Variants in RTTN observed in about 807,000 individuals in gnomAD.
RTTN encodes the protein rotatin.
Under a neutral mutation model 269.2 loss-of-function variants are expected in RTTN, and 182 were observed. The observed-to-expected ratio is 0.68, with a 90% CI of 0.60 to 0.76. The LOEUF (loss-of-function observed/expected upper bound fraction) is 0.76, where lower values mean the gene tolerates loss of function less well. RTTN is among the 30% of genes least tolerant of loss of function. RTTN has a pLI of 0.00. For missense variants in RTTN, 2,545 were observed against 2,608.6 expected, an observed-to-expected ratio of 0.98 and a Z score of 0.53; for synonymous variants, 1,006 against 963.5, an observed-to-expected ratio of 1.04 and a Z score of -0.82.
At chr18:70,083,654 C>T (rs2145156879) in intron 32 of RTTN, among the ~76,000 whole-genome samples, 1 of 152,176 alleles carries the variant, frequency 6.6e-6, no homozygotes, top group African/African-American at 2.4e-5. Context: ...TACTTCCTAT[C>T]TTGTCCGAGA....
intron 19 of RTTN, among the ~76,000 whole-genome samples, chr18:70,141,623 C>T (rs1018446496): frequency 3.3e-5 from 5 of 152,006 alleles, no homozygotes; most frequent in African/African-American, 1.2e-4. Context: ...GGGCCTGTCA[C>T]AGAGTTGGGG....
intron 28 of RTTN, among the ~76,000 whole-genome samples, chr18:70,097,182 C>G (rs1255921322): frequency 6.6e-6 from 1 of 152,176 alleles, no homozygotes; most frequent in Non-Finnish European, 1.5e-5. Flanking sequence ...CATAATTAAT[C>G]ATGCTTAGTT....
chr18:70,144,597 C>G (rs190889305), intron 18 of RTTN, among the ~76,000 whole-genome samples: 4 of 152,258 alleles, frequency 2.6e-5, no homozygotes, highest in Non-Finnish European at 5.9e-5. Flanking sequence ...TTAGAATGCC[C>G]TCTCCCCGCC....
chr18:70,190,814 C>G, intron 8 of RTTN, 95 bp from the exon 9 acceptor site: 1 of 753,190 alleles, frequency 1.3e-6, no homozygotes, highest in South Asian at 1.9e-5. Context: ...AAGCCTCATA[C>G]AAGTCACAAC....
At chr18:70,042,277 T>C (rs1466738952) in intron 40 of RTTN, among the ~76,000 whole-genome samples, 1 of 149,126 alleles carries the variant, frequency 6.7e-6, no homozygotes, top group Non-Finnish European at 1.5e-5. Flanking sequence ...GGATGCTTCA[T>C]CTAAACATTT....
chr18:70,159,128 A>G (rs1432331434), intron 14 of RTTN, among the ~76,000 whole-genome samples: 6 of 152,186 alleles, frequency 3.9e-5, no homozygotes, highest in African/African-American at 1.4e-4. Context: ...CAACAAAAGC[A>G]AAACACATTC....
At chr18:70,031,149 T>G (rs1213664714) in intron 40 of RTTN, among the ~76,000 whole-genome samples, 168 bp from the exon 41 acceptor site, 2 of 152,266 alleles carry the variant, frequency 1.3e-5, no homozygotes, top group Non-Finnish European at 2.9e-5. Context: ...TCTGCGTGGA[T>G]AAGACTGTAT....
At chr18:70,070,245 G>T (rs146323576) in intron 34 of RTTN, among the ~76,000 whole-genome samples, 1,872 of 152,338 alleles carry the variant, frequency 0.012, 23 homozygotes, top group South Asian at 0.037. Context: ...CCAAGAGCTT[G>T]TCTCACTTGT....
intron 34 of RTTN, 63 bp downstream of exon 34, chr18:70,073,843 C>A: frequency 8.5e-7 from 1 of 1,170,810 alleles, no homozygotes; most frequent in Non-Finnish European, 1.3e-6. Flanking sequence ...AACTCTCCCA[C>A]TAGGCAAACT....
chr18:70,050,065 C>A (rs2057613819), intron 39 of RTTN, among the ~76,000 whole-genome samples: 1 of 152,010 alleles, frequency 6.6e-6, no homozygotes, highest in South Asian at 2.1e-4. Flanking sequence ...CACAGGCTTA[C>A]AACTGACAAA....
At chr18:70,159,638 A>G (rs748981671) in intron 14 of RTTN, among the ~76,000 whole-genome samples, 11 of 152,122 alleles carry the variant, frequency 7.2e-5, no homozygotes, top group Non-Finnish European at 1.3e-4. Flanking sequence ...CGACAAAACC[A>G]AATTTTGGTT....
Position 70,143,073 on chromosome 18 carries a change from C to A in RTTN, c.2482-686G>T, listed in dbSNP as rs148535620. ...CATTCTGACTGGTGTGAGATGGTCCCTCGTAGCAGTTTTGATTTGCATTTC... is the reference window on the plus strand; with the variant it reads ...CATTCTGACTGGTGTGAGATGGTCCATCGTAGCAGTTTTGATTTGCATTTC... On this transcript the variant is annotated intron_variant, in intron 18 of 48. Coordinates refer to ENST00000640769, the MANE Select transcript of RTTN (RefSeq NM_173630.4). Among the ~76,000 whole-genome samples the A allele has an allele frequency of 2.8e-3, 425 of 152,198 alleles. 1 individual carries two copies. The highest frequency in any genetic ancestry group is 9.7e-3 in the African/African-American group (402 of 41,540).
rs953654126 is a variant in RTTN, at chr18:70,145,706, A to G, written c.2387T>C (p.Ile796Thr). 6.2e-7 allele frequency: 1 copy of G among 1,613,362 alleles called. No homozygotes were observed. Among genetic ancestry groups the G allele is most frequent in the Non-Finnish European group, 8.5e-7 (1 of 1,179,576 alleles). ...AACTCTGGAGAGAACTCTGGCGTCT[A>G]TTAGAGGACGCTTTGTATCAGCCCC... is the stretch of plus-strand genomic sequence containing the variant. The part of the protein sequence containing the change: ...EEGADTKRPL[I>T]DARVLSRVTD... The change falls in exon 18 of 49, where the codon ATA becomes ACA. Residue 796 changes from isoleucine (I) to threonine (T), a missense_variant. Physicochemically the swap from Ile to Thr is moderately conservative, Grantham distance 89. Transcript: ENST00000640769.
At chr18:70,006,949 A>T (rs575925836) in intron 46 of RTTN, 3 of 153,590 alleles carry the variant, frequency 2.0e-5, no homozygotes, top group African/African-American at 7.2e-5. Context: ...ATGTTTTTTA[A>T]AAATGACTAG....
At chr18:70,009,626 A>G (rs1382057842) in intron 46 of RTTN, among the ~76,000 whole-genome samples, 1 of 152,244 alleles carries the variant, frequency 6.6e-6, no homozygotes, top group Non-Finnish European at 1.5e-5. Flanking sequence ...CTGCAAAAAC[A>G]TATCAAATTG....
intron 28 of RTTN, among the ~76,000 whole-genome samples, chr18:70,107,661 C>G (rs1488708363): frequency 1.3e-5 from 2 of 151,992 alleles, no homozygotes; most frequent in Non-Finnish European, 1.5e-5. Flanking sequence ...GTAAACTAAA[C>G]TAAAAGTAGA....
At chr18:70,100,876 C>T (rs959874176) in intron 28 of RTTN, among the ~76,000 whole-genome samples, 17 of 152,198 alleles carry the variant, frequency 1.1e-4, no homozygotes, top group African/African-American at 3.6e-4. Context: ...TGATGGGTTA[C>T]GTTTATTGAT....
In RTTN at chr18:70,039,702, T is replaced by A. The variant is rs540689380; in HGVS notation, c.5541+8269A>T. 2.3e-3 allele frequency among the ~76,000 whole-genome samples: 350 copies of A among 152,270 alleles called. 1 individual carries two copies. The highest frequency in any genetic ancestry group is 8.1e-3 in the African/African-American group (336 of 41,566). On this transcript the variant is annotated intron_variant, in intron 40 of 48. Transcript: ENST00000640769. ...AATGGTGTTGTGTAAACTACTCTTATCTTAAGTAGAGAGTCTAAATTATGA... is the reference window on the plus strand; with the variant it reads ...AATGGTGTTGTGTAAACTACTCTTAACTTAAGTAGAGAGTCTAAATTATGA...
chr18:70,114,407 TATAA>T, intron 27 of RTTN, 34 bp downstream of exon 27: 1 of 1,584,456 alleles, frequency 6.3e-7, no homozygotes, highest in Non-Finnish European at 8.6e-7. Flanking sequence ...TTGGGTTCTA[TATAA>T]ATGCACCTAA....
Sources: gnomAD v4.1 joint callset for allele counts (sites outside exome capture counted in the v4.1 genomes callset) on GRCh38, gnomAD v4.1.1 for gene constraint, MANE v1.5 for transcripts, NCBI Gene and HGNC (gene_info 2026-07-23, HGNC 2026-07-21) for gene names.